Variants in CTCF observed in about 807,000 individuals in gnomAD.
CTCF encodes CCCTC-binding factor.
Under a neutral mutation model 72.3 loss-of-function variants are expected in CTCF, and 7 were observed. The ratio of observed to expected loss-of-function variants is 0.10; its 90% CI spans 0.06 to 0.18. The LOEUF (loss-of-function observed/expected upper bound fraction) is 0.18. CTCF is among the 10% of genes least tolerant of loss of function. CTCF has a pLI of 1.00. For synonymous variants in CTCF, 374 were observed against 315.8 expected (o/e 1.18, Z -1.95); for missense variants, 516 against 949.1 (o/e 0.54, Z 6.00).
chr16:67,621,367 A>C, intron 6 of CTCF, 75 bp from the exon 7 acceptor site: 2 of 1,124,468 alleles, frequency 1.8e-6, no homozygotes, highest in African/African-American at 3.0e-5. Context: ...CATATCTGCC[A>C]CCTGAGTTAC....
intron 2 of CTCF, among the ~76,000 whole-genome samples, chr16:67,591,096 T>G (rs902335042): frequency 4.6e-5 from 7 of 151,610 alleles, no homozygotes; most frequent in African/African-American, 1.7e-4. Context: ...AGTTTGAGAC[T>G]AGCCTAGCCA....
At chr16:67,591,013 G>A (rs965589848) in intron 2 of CTCF, among the ~76,000 whole-genome samples, 3 of 143,882 alleles carry the variant, frequency 2.1e-5, no homozygotes, top group African/African-American at 5.2e-5. Flanking sequence ...CACAAATGCT[G>A]TGATTACAGG....
At chr16:67,633,218 G>C (rs914155174) in intron 10 of CTCF, among the ~76,000 whole-genome samples, 2 of 152,044 alleles carry the variant, frequency 1.3e-5, no homozygotes, top group Non-Finnish European at 2.9e-5. Flanking sequence ...TATAGGTTAC[G>C]GAGCAGGATT....
intron 10 of CTCF, among the ~76,000 whole-genome samples, chr16:67,632,391 C>T (rs144215029): frequency 1.6e-4 from 24 of 152,284 alleles, no homozygotes; most frequent in African/African-American, 5.5e-4. Flanking sequence ...TGTGTTCTGT[C>T]TGCTGCTGGT....
intron 2 of CTCF, among the ~76,000 whole-genome samples, chr16:67,584,556 G>C (rs1191848209): frequency 1.3e-5 from 2 of 151,542 alleles, no homozygotes; most frequent in Non-Finnish European, 2.9e-5. Context: ...TTGAACTCCT[G>C]ACCTCATGAT....
Position 67,609,276 on chromosome 16 carries a change from C to T in CTCF, c.-9-1548C>T, listed in dbSNP as rs550695081. Among the ~76,000 whole-genome samples the T allele has an allele frequency of 2.0e-5, 3 of 152,298 alleles. No homozygotes were observed. The East Asian group carries it at 5.8e-4, about 29-fold the overall frequency. On this transcript the variant is annotated intron_variant, in intron 2 of 11. Coordinates refer to ENST00000264010, the MANE Select transcript of CTCF (RefSeq NM_006565.4). ...TTTTGTGATGAGAACACTTAAAAAT[C>T]TGCTCTCAGTTATTTTCAGGTATAC...
chr16:67,632,787 G>A (rs1049266022), intron 10 of CTCF, among the ~76,000 whole-genome samples: 1 of 152,082 alleles, frequency 6.6e-6, no homozygotes, highest in Non-Finnish European at 1.5e-5. Flanking sequence ...TATTCCCCAC[G>A]TTTTCACTTA....
chr16:67,577,052 C>G (rs1292388090), intron 2 of CTCF, among the ~76,000 whole-genome samples: 6 of 151,862 alleles, frequency 4.0e-5, no homozygotes, highest in Admixed American at 3.9e-4. Context: ...TCTCCTGTTG[C>G]CTGTATTGCA....
intron 11 of CTCF, 49 bp downstream of exon 11, chr16:67,636,900 T>TGGG (rs755428646): frequency 1.4e-6 from 2 of 1,421,928 alleles, no homozygotes; most frequent in Non-Finnish European, 1.9e-6. Context: ...TCCGAGCATG[T>TGGG]GGGGGAGCCA....
At position 67,636,725 on chromosome 16, in the gene CTCF, G is replaced by A; in HGVS notation, c.1873G>A (p.Glu625Lys). Reference sequence around the variant, plus strand: ...ACCAGATCTGGACGACAATGAGGATGAGGAGGAGCCTGCCGTAGAAATTGA... The same window carrying A: ...ACCAGATCTGGACGACAATGAGGATAAGGAGGAGCCTGCCGTAGAAATTGA... ...AEPDLDDNED[E>K]EEPAVEIEPE... The change falls in exon 11 of 12, where the codon GAG becomes AAG. Residue 625 changes from glutamate to lysine, a missense_variant. Physicochemically the swap from Glu to Lys is moderately conservative, Grantham distance 56. This residue lies in a region of CTCF where 157 missense variants were observed against 172.9 expected (regional missense o/e 0.91). Coordinates refer to ENST00000264010, the MANE Select transcript of CTCF (RefSeq NM_006565.4). The A allele has an allele frequency of 6.2e-7, 1 of 1,610,282 alleles. No homozygotes were observed. Among genetic ancestry groups the A allele is most frequent in the Non-Finnish European group, 8.5e-7 (1 of 1,178,230 alleles).
intron 5 of CTCF, among the ~76,000 whole-genome samples, chr16:67,618,443 ACTC>A (rs2142842872): frequency 6.6e-6 from 1 of 152,292 alleles, no homozygotes; most frequent in East Asian, 1.9e-4. Context: ...TGTATAATAA[ACTC>A]ATCCTAATTA....
chr16:67,572,990 C>T (rs1050179760), intron 2 of CTCF, among the ~76,000 whole-genome samples: 3 of 134,510 alleles, frequency 2.2e-5, no homozygotes, highest in Non-Finnish European at 3.2e-5. Flanking sequence ...CGGTGGCTCA[C>T]GCCTGTAATC....
At chr16:67,582,921 A>C (rs536643260) in intron 2 of CTCF, among the ~76,000 whole-genome samples, 1 of 151,964 alleles carries the variant, frequency 6.6e-6, no homozygotes, top group South Asian at 2.1e-4. Flanking sequence ...ATAGCTGTAA[A>C]TACTCTACAC....
At chr16:67,611,765 C>T in intron 3 of CTCF, 152 bp downstream of exon 3, 1 of 1,008,184 alleles carries the variant, frequency 9.9e-7, no homozygotes, top group Non-Finnish European at 1.4e-6. Context: ...TAAGTTTTTT[C>T]CAGATTGAAT....
chr16:67,582,848 AC>A (rs2051605234), intron 2 of CTCF, among the ~76,000 whole-genome samples: 2 of 152,076 alleles, frequency 1.3e-5, no homozygotes, highest in Admixed American at 6.6e-5. Flanking sequence ...TTAATGACTT[AC>A]AGATAGGGTG....
At chr16:67,595,664 G>A (rs1266279359) in intron 2 of CTCF, among the ~76,000 whole-genome samples, 1 of 151,970 alleles carries the variant, frequency 6.6e-6, no homozygotes, top group Admixed American at 6.6e-5. Flanking sequence ...TTATTTTATA[G>A]AAAAGAAAAC....
intron 2 of CTCF, among the ~76,000 whole-genome samples, chr16:67,575,962 C>T (rs1262451269): frequency 6.7e-6 from 1 of 148,970 alleles, no homozygotes; most frequent in African/African-American, 2.5e-5. Flanking sequence ...GAATGTCAGC[C>T]TGGGCAACTT....
intron 2 of CTCF, among the ~76,000 whole-genome samples, chr16:67,581,137 C>G (rs2051575592): frequency 6.7e-6 from 1 of 150,102 alleles, no homozygotes; most frequent in African/African-American, 2.5e-5. Flanking sequence ...ACCGTGTTAG[C>G]CAGGATGGTC....
intron 6 of CTCF, 168 bp from the exon 7 acceptor site, chr16:67,621,273 TG>T (rs1158070050): frequency 1.8e-6 from 1 of 559,364 alleles, no homozygotes; most frequent in Admixed American, 2.9e-5. Flanking sequence ...GTTTAGGACT[TG>T]GCCATATCTG....
Sources: allele counts gnomAD v4.1 joint callset (sites outside exome capture counted in the v4.1 genomes callset), GRCh38; gene constraint gnomAD v4.1.1; regional missense constraint gnomAD v4.1.1; transcripts MANE v1.5; gene names NCBI Gene and HGNC (gene_info 2026-07-23, HGNC 2026-07-21).